Variants in DCLK2 observed in about 807,000 individuals in gnomAD.
DCLK2 encodes the protein serine/threonine-protein kinase DCLK2.
A neutral mutation model predicts 78.4 loss-of-function variants in DCLK2; 31 were observed. That is an observed-to-expected ratio of 0.40 (90% CI 0.30 to 0.53). The LOEUF is 0.53. DCLK2 is among the 20% of genes least tolerant of loss of function. The pLI is 0.61. For synonymous variants in DCLK2, 407 were observed against 374.9 expected, an observed-to-expected ratio of 1.09 and a Z score of -0.99; for missense variants, 872 against 973.7, an observed-to-expected ratio of 0.90 and a Z score of 1.39.
intron 2 of DCLK2, among the ~76,000 whole-genome samples, chr4:150,141,979 A>G (rs1691873437): frequency 6.6e-6 from 1 of 152,238 alleles, no homozygotes; most frequent in Admixed American, 6.5e-5. Context: ...TAAATGCTTC[A>G]GATCTCTTTC....
Position 150,250,605 on chromosome 4 carries a change from G to A in DCLK2, c.2073+921G>A, listed in dbSNP as rs77963286. 4.3e-3 allele frequency among the ~76,000 whole-genome samples: 654 copies of A among 151,932 alleles called. 4 individuals are homozygous for A. The highest frequency in any genetic ancestry group is 0.014 in the African/African-American group (590 of 41,368). ...AATCAGACCTGCCAAGGTGATGGGCGTCTGAGTTTCACATCTGGGCCCCCC... is the reference window on the plus strand; with the variant it reads ...AATCAGACCTGCCAAGGTGATGGGCATCTGAGTTTCACATCTGGGCCCCCC... On this transcript the variant is annotated intron_variant, in intron 15 of 15. Coordinates refer to ENST00000296550, the MANE Select transcript of DCLK2 (RefSeq NM_001040260.4).
In DCLK2 at chr4:150,254,527, A is replaced by G. The variant is rs866326854; in HGVS notation, c.2074-1493A>G. The G allele has an allele frequency of 1.3e-4, 50 of 398,238 alleles. No homozygotes were observed. The Middle Eastern group carries it at 1.9e-3, about 15-fold the overall frequency. The allele number at this position is 398,238 out of a possible 1,614,324, so 24.7% of individuals were successfully genotyped here. A position where few individuals can be genotyped will look rare whatever the true frequency, so the allele number is the denominator to read the frequency against. ...AGAGAAAAGGAGAAATAACGGGGGGATTGTTTTCTTGTACCCAGGAGACAT... is the reference window on the plus strand; with the variant it reads ...AGAGAAAAGGAGAAATAACGGGGGGGTTGTTTTCTTGTACCCAGGAGACAT... On this transcript the variant is annotated intron_variant, in intron 15 of 15. Coordinates refer to ENST00000296550, the MANE Select transcript of DCLK2 (RefSeq NM_001040260.4).
chr4:150,207,356 C>T (rs1432333493), intron 5 of DCLK2, among the ~76,000 whole-genome samples: 2 of 152,084 alleles, frequency 1.3e-5, no homozygotes, highest in Non-Finnish European at 2.9e-5. Context: ...GTTCTGTCAC[C>T]GTTTTTCCCT....
chr4:150,256,381 G>A lies in DCLK2; in HGVS notation c.*134G>A, dbSNP rs373658876. On this transcript the variant is annotated 3_prime_UTR_variant, in exon 16 of 16. Transcript: ENST00000296550. The stretch of plus-strand genomic sequence containing the variant: ...TGAGTTCGCGGGTCCTCCGCAGGCC[G>A]CCTGGGAACCGGAGCCTGGCGTGCC... 44 of 1,255,524 alleles carry A rather than the reference G, an allele frequency of 3.5e-5. No individual in the cohort carries two copies. Among genetic ancestry groups the A allele is most frequent in the East Asian group, 7.9e-5 (3 of 37,874 alleles). The allele number at this position is 1,255,524 out of a possible 1,614,324, so 77.8% of individuals were successfully genotyped here.
At chr4:150,160,050 TGTC>T (rs1202009642) in intron 2 of DCLK2, among the ~76,000 whole-genome samples, 5 of 151,982 alleles carry the variant, frequency 3.3e-5, no homozygotes, top group African/African-American at 9.7e-5. Flanking sequence ...GGTCTTAGTC[TGTC>T]GTCCAGGGTG....
intron 2 of DCLK2, among the ~76,000 whole-genome samples, chr4:150,149,987 C>T (rs188886852): frequency 6.6e-6 from 1 of 152,168 alleles, no homozygotes; most frequent in African/African-American, 2.4e-5. Flanking sequence ...GTTCAAAGAG[C>T]ATTTTGACAA....
chr4:150,165,396 G>GT (rs112281534), intron 2 of DCLK2, among the ~76,000 whole-genome samples: 3,407 of 149,374 alleles, frequency 0.023, 130 homozygotes, highest in African/African-American at 0.078. Context: ...CCAGGGTTGA[G>GT]TTTTTTTTTT....
chr4:150,190,053 G>GAAAAAAAAAA (rs1378760105), intron 2 of DCLK2, among the ~76,000 whole-genome samples: 3 of 12,958 alleles, frequency 2.3e-4, no homozygotes, highest in African/African-American at 5.7e-4. Flanking sequence ...AAAAAAAAAG[G>GAAAAAAAAAA]CCAAGTGTGG....
chr4:150,167,288 CAGACTGT>C (rs1349338388), intron 2 of DCLK2, among the ~76,000 whole-genome samples: 2 of 152,198 alleles, frequency 1.3e-5, no homozygotes, highest in Non-Finnish European at 2.9e-5. Flanking sequence ...TTATGAAGGA[CAGACTGT>C]TTGTGACTAC....
intron 5 of DCLK2, among the ~76,000 whole-genome samples, chr4:150,210,751 C>T (rs1740238038): frequency 6.6e-6 from 1 of 151,884 alleles, no homozygotes; most frequent in African/African-American, 2.4e-5. Flanking sequence ...AGTTTGAGAC[C>T]AGCCTGGCCA....
chr4:150,113,449 GT>G (rs34711789), intron 2 of DCLK2, among the ~76,000 whole-genome samples: 57,683 of 151,522 alleles, frequency 0.38, 11,144 homozygotes, highest in Non-Finnish European at 0.42. Flanking sequence ...TTTGTTCAGG[GT>G]TTTCTGTTTC....
intron 4 of DCLK2, among the ~76,000 whole-genome samples, chr4:150,199,593 C>T (rs1739314564): frequency 6.6e-6 from 1 of 152,156 alleles, no homozygotes; most frequent in Non-Finnish European, 1.5e-5. Flanking sequence ...TTCTAGTTGT[C>T]AAATATTTAT....
At chr4:150,227,109 A>G (rs1421178014) in intron 8 of DCLK2, among the ~76,000 whole-genome samples, 1 of 152,230 alleles carries the variant, frequency 6.6e-6, no homozygotes, top group Non-Finnish European at 1.5e-5. Flanking sequence ...CTTCCAAAAA[A>G]GTCACACAGA....
intron 2 of DCLK2, among the ~76,000 whole-genome samples, chr4:150,115,335 T>C (rs559103369): frequency 2.0e-4 from 30 of 152,278 alleles, no homozygotes; most frequent in African/African-American, 7.2e-4. Flanking sequence ...CTTGTGTAGC[T>C]AATAACCTTT....
At chr4:150,086,205 T>G (rs1729625622) in intron 1 of DCLK2, among the ~76,000 whole-genome samples, 1 of 152,164 alleles carries the variant, frequency 6.6e-6, no homozygotes, top group Non-Finnish European at 1.5e-5. Flanking sequence ...AATTTTACTT[T>G]TGTGCCCTAT....
At chr4:150,129,686 C>G (rs1446216693) in intron 2 of DCLK2, among the ~76,000 whole-genome samples, 5 of 151,676 alleles carry the variant, frequency 3.3e-5, no homozygotes, top group Non-Finnish European at 7.4e-5. Context: ...CGCCACTGCA[C>G]TTCAGGCTGG....
intron 2 of DCLK2, among the ~76,000 whole-genome samples, chr4:150,129,374 G>T (rs935958724): frequency 1.3e-5 from 2 of 151,918 alleles, no homozygotes; most frequent in Non-Finnish European, 2.9e-5. Flanking sequence ...ATGCTTCTAC[G>T]CTTTGGCTAA....
intron 2 of DCLK2, among the ~76,000 whole-genome samples, chr4:150,124,685 A>G (rs553623646): frequency 1.2e-3 from 177 of 152,378 alleles, no homozygotes; most frequent in African/African-American, 3.8e-3. Context: ...AACTTATAAA[A>G]GCCCACTTAA....
intron 1 of DCLK2, among the ~76,000 whole-genome samples, chr4:150,086,981 A>G (rs955262973): frequency 5.3e-5 from 8 of 152,224 alleles, no homozygotes; most frequent in African/African-American, 1.9e-4. Context: ...TTTCATGCTT[A>G]ATTTTAACAC....
Sources: allele counts gnomAD v4.1 joint callset (sites outside exome capture counted in the v4.1 genomes callset), GRCh38; gene constraint gnomAD v4.1.1; transcripts MANE v1.5; gene names NCBI Gene and HGNC (gene_info 2026-07-23, HGNC 2026-07-21).